Variants in TXNRD1 observed in about 807,000 individuals in gnomAD.
The protein encoded by TXNRD1 is thioredoxin reductase 1, cytoplasmic.
TXNRD1 carries 57 observed loss-of-function variants against 80.3 expected under a neutral mutation model. The ratio of observed to expected loss-of-function variants is 0.71; its 90% CI spans 0.57 to 0.89. The LOEUF (loss-of-function observed/expected upper bound fraction) is 0.89, where lower values mean the gene tolerates loss of function less well. Ranked by LOEUF, TXNRD1 falls within the 40% of genes least tolerant of loss-of-function variation. TXNRD1 has a pLI of 0.00. For missense variants in TXNRD1, 730 were observed against 803.0 expected, an observed-to-expected ratio of 0.91 and a Z score of 1.10; for synonymous variants, 291 against 285.2, an observed-to-expected ratio of 1.02 and a Z score of -0.20.
At chr12:104,307,534 C>T (rs1457446725) in intron 4 of TXNRD1, among the ~76,000 whole-genome samples, 2 of 152,220 alleles carry the variant, frequency 1.3e-5, no homozygotes, top group Non-Finnish European at 2.9e-5. Flanking sequence ...AACCTGTTAG[C>T]TTCGTTAAGG....
At chr12:104,266,403 G>A (rs1463790494) in intron 3 of TXNRD1, among the ~76,000 whole-genome samples, 1 of 151,258 alleles carries the variant, frequency 6.6e-6, no homozygotes, top group Non-Finnish European at 1.5e-5. Flanking sequence ...ACGCATGCTT[G>A]TAGTCCTACC....
intron 1 of TXNRD1, among the ~76,000 whole-genome samples, chr12:104,220,863 G>A (rs939787052): frequency 3.3e-5 from 5 of 152,090 alleles, no homozygotes; most frequent in African/African-American, 1.2e-4. Context: ...AATATTTCAT[G>A]AATATTCCTT....
Position 104,327,662 on chromosome 12 carries a change from C to T in TXNRD1, c.1533C>T (p.Ser511=). 2.5e-6 allele frequency: 4 copies of T among 1,613,448 alleles called. No homozygotes were observed. The highest frequency in any genetic ancestry group is 2.5e-6 in the Non-Finnish European group (3 of 1,179,790). The change falls in exon 13 of 17, where the codon TCC becomes TCT. Residue 511 remains serine (S), a synonymous_variant. Coordinates refer to ENST00000525566, the MANE Select transcript of TXNRD1 (RefSeq NM_001093771.3). ...RLLAQRLYAG[S]TVKCDYENVP... is the part of the protein sequence containing the mutation. ...TGGCTCAGAGGCTCTATGCAGGTTC[C>T]ACTGTCAAGGTGAGTGTTGTGCTTG...
intron 1 of TXNRD1, among the ~76,000 whole-genome samples, chr12:104,250,290 AAACTAT>A (rs2033091540): frequency 6.6e-6 from 1 of 152,214 alleles, no homozygotes; most frequent in African/African-American, 2.4e-5. Flanking sequence ...GTAAGAACTA[AAACTAT>A]AAGACTCTTA....
chr12:104,289,334 A>G (rs1390935250), intron 4 of TXNRD1: 1 of 272,776 alleles, frequency 3.7e-6, no homozygotes, highest in Non-Finnish European at 7.1e-6. Flanking sequence ...TCCCAGTTGT[A>G]AATAACATTT....
At chr12:104,338,955 A>T (rs1197698343) in intron 15 of TXNRD1, among the ~76,000 whole-genome samples, 184 bp from the exon 16 acceptor site, 10 of 152,058 alleles carry the variant, frequency 6.6e-5, no homozygotes, top group Admixed American at 6.5e-4. Context: ...TGACCTCGTG[A>T]TCCACCTGCC....
chr12:104,249,877 G>A (rs964674388), intron 1 of TXNRD1, among the ~76,000 whole-genome samples: 3 of 146,474 alleles, frequency 2.0e-5, no homozygotes, highest in South Asian at 2.2e-4. Context: ...GGAGCTTGCA[G>A]TGAGGCCGAG....
At chr12:104,323,819 C>CG (rs929511628) in intron 10 of TXNRD1, among the ~76,000 whole-genome samples, 2 of 151,386 alleles carry the variant, frequency 1.3e-5, no homozygotes, top group African/African-American at 4.8e-5. Context: ...GACCCCCCCC[C>CG]ACCTCCCTCC....
At chr12:104,311,158 T>A in intron 4 of TXNRD1, 132 bp from the exon 5 acceptor site, 1 of 1,014,818 alleles carries the variant, frequency 9.9e-7, no homozygotes. Context: ...TCCATCTGTA[T>A]GCTGTAATTA....
intron 6 of TXNRD1, among the ~76,000 whole-genome samples, chr12:104,313,662 A>T (rs898245020): frequency 6.6e-6 from 1 of 152,210 alleles, no homozygotes; most frequent in Non-Finnish European, 1.5e-5. Flanking sequence ...ATTCAACAAG[A>T]GTTGGAATCA....
intron 1 of TXNRD1, among the ~76,000 whole-genome samples, chr12:104,243,561 T>A (rs1266630611): frequency 6.6e-6 from 1 of 152,216 alleles, no homozygotes; most frequent in East Asian, 1.9e-4. Context: ...CTGAGAGTGG[T>A]GGTGTGTTTG....
At chr12:104,338,553 C>T (rs1037561656) in intron 15 of TXNRD1, among the ~76,000 whole-genome samples, 19 of 151,198 alleles carry the variant, frequency 1.3e-4, no homozygotes, top group African/African-American at 4.6e-4. Context: ...AAAAATTAGC[C>T]GGGCATGGTA....
intron 1 of TXNRD1, among the ~76,000 whole-genome samples, chr12:104,220,445 C>T (rs1157648582): frequency 6.6e-6 from 1 of 151,766 alleles, no homozygotes; most frequent in African/African-American, 2.4e-5. Flanking sequence ...TATTTTAGGC[C>T]AGGTGCGGTA....
intron 3 of TXNRD1, among the ~76,000 whole-genome samples, chr12:104,260,243 G>A (rs1382160382): frequency 2.0e-5 from 3 of 152,142 alleles, no homozygotes; most frequent in Admixed American, 6.5e-5. Context: ...AGAGGCGGGA[G>A]GATTACCTGA....
chr12:104,334,264 G>A lies in TXNRD1; in HGVS notation c.1678G>A (p.Glu560Lys). 1 of 1,531,136 alleles carries A rather than the reference G, an allele frequency of 6.5e-7. No individual in the cohort carries two copies. The highest frequency in any genetic ancestry group is 8.8e-7 in the Non-Finnish European group (1 of 1,135,976). The allele number at this position is 1,531,136 out of a possible 1,614,324, so 94.8% of individuals were successfully genotyped here. A position where few individuals can be genotyped will look rare whatever the true frequency, so the allele number is the denominator to read the frequency against. ...EVYHSYFWPLEWTIPSRDNNK... is the reference protein window; with the variant it reads ...EVYHSYFWPLKWTIPSRDNNK... ...TTACCATAGTTACTTTTGGCCATTG[G>A]AATGGACGATTCCGTCAAGAGATAA... The change falls in exon 15 of 17, where the codon GAA becomes AAA. Residue 560 changes from glutamate to lysine, a missense_variant. By Grantham distance (56) the Glu-to-Lys change is moderately conservative (BLOSUM62 1). Transcript: ENST00000525566.
intron 2 of TXNRD1, among the ~76,000 whole-genome samples, chr12:104,256,650 A>C (rs118016094): frequency 0.059 from 9,010 of 151,962 alleles, 1,046 homozygotes; most frequent in East Asian, 0.57. Context: ...GTGGTGGCGC[A>C]TGCCTGTAAC....
At chr12:104,275,605 A>G (rs2033741766) in intron 3 of TXNRD1, among the ~76,000 whole-genome samples, 1 of 151,962 alleles carries the variant, frequency 6.6e-6, no homozygotes, top group Non-Finnish European at 1.5e-5. Flanking sequence ...CTGGTCTCGA[A>G]CTCCTGACCT....
intron 15 of TXNRD1, among the ~76,000 whole-genome samples, chr12:104,337,823 A>G (rs2135880857): frequency 6.6e-6 from 1 of 151,850 alleles, no homozygotes; most frequent in East Asian, 1.9e-4. Context: ...GTCTTACTTT[A>G]TCACCCAGGA....
chr12:104,336,217 A>T (rs1565912921), intron 15 of TXNRD1, among the ~76,000 whole-genome samples: 1 of 152,174 alleles, frequency 6.6e-6, no homozygotes, highest in African/African-American at 2.4e-5. Flanking sequence ...TTTTAACCAT[A>T]TGTATTTTGC....
Sources: gnomAD v4.1 joint callset for allele counts (sites outside exome capture counted in the v4.1 genomes callset) on GRCh38, gnomAD v4.1.1 for gene constraint, MANE v1.5 for transcripts, NCBI Gene and HGNC (gene_info 2026-07-23, HGNC 2026-07-21) for gene names.